EFNA5: variants seen among roughly 807,000 people sequenced by gnomAD.
EFNA5 encodes the protein ephrin-A5.
EFNA5 carries 5 observed loss-of-function variants against 22.9 expected under a neutral mutation model. The observed-to-expected ratio is 0.22, with a 90% confidence interval of 0.11 to 0.46. The LOEUF is 0.46. EFNA5 is among the 20% of genes least tolerant of loss of function. The pLI, the probability that EFNA5 is intolerant of heterozygous loss-of-function variation, is 0.99. For synonymous variants in EFNA5, 113 were observed against 112.2 expected, an observed-to-expected ratio of 1.01 and a Z score of -0.04; for missense variants, 237 against 293.3, an observed-to-expected ratio of 0.81 and a Z score of 1.40.
At chr5:107,544,213 G>C (rs1422926369) in intron 1 of EFNA5, among the ~76,000 whole-genome samples, 1 of 152,200 alleles carries the variant, frequency 6.6e-6, no homozygotes, top group African/African-American at 2.4e-5. Flanking sequence ...CCCTCCTAGA[G>C]AGCACTTGCT....
At chr5:107,539,648 G>A (rs574398268) in intron 1 of EFNA5, among the ~76,000 whole-genome samples, 2 of 152,034 alleles carry the variant, frequency 1.3e-5, no homozygotes, top group African/African-American at 4.8e-5. Context: ...TAGTAGAGAC[G>A]GGGTTTCACC....
chr5:107,401,605 G>A (rs1360558592), intron 2 of EFNA5, among the ~76,000 whole-genome samples: 1 of 152,196 alleles, frequency 6.6e-6, no homozygotes, highest in East Asian at 1.9e-4. Context: ...GTGGTTGCAG[G>A]AGGGGGAGGT....
At chr5:107,435,496 T>C (rs1049098122) in intron 1 of EFNA5, among the ~76,000 whole-genome samples, 10 of 152,250 alleles carry the variant, frequency 6.6e-5, no homozygotes, top group African/African-American at 2.2e-4. Context: ...TTCAGATGTA[T>C]TGGTAATCAA....
intron 1 of EFNA5, among the ~76,000 whole-genome samples, chr5:107,540,392 A>G (rs1748019832): frequency 6.6e-6 from 1 of 152,224 alleles, no homozygotes; most frequent in South Asian, 2.1e-4. Flanking sequence ...ATTCTTGCAC[A>G]TATTTAAAAA....
At chr5:107,511,278 G>A (rs181856614) in intron 1 of EFNA5, among the ~76,000 whole-genome samples, 4 of 152,108 alleles carry the variant, frequency 2.6e-5, no homozygotes, top group East Asian at 3.9e-4. Context: ...AGCCCGCCTC[G>A]GCATCCCAAA....
chr5:107,544,316 AAATCTC>A (rs1748106592), intron 1 of EFNA5, among the ~76,000 whole-genome samples: 1 of 152,146 alleles, frequency 6.6e-6, no homozygotes, highest in Non-Finnish European at 1.5e-5. Context: ...AGGGCTTTGA[AAATCTC>A]TCAACGCGTA....
intron 2 of EFNA5, among the ~76,000 whole-genome samples, chr5:107,415,324 ACTACTACTCCCTATTGC>A (rs1372214592): frequency 8.5e-5 from 13 of 152,294 alleles, no homozygotes; most frequent in African/African-American, 3.1e-4. Flanking sequence ...TTAAGAATAT[ACTACTACTCCCTATTGC>A]CTGTTACATA....
intron 1 of EFNA5, among the ~76,000 whole-genome samples, chr5:107,477,519 G>A (rs1750343924): frequency 6.6e-6 from 1 of 152,142 alleles, no homozygotes. Context: ...ACTGTAAAAG[G>A]ATCTCTGGCA....
chr5:107,603,378 T>C (rs1325396847), intron 1 of EFNA5, among the ~76,000 whole-genome samples: 4 of 152,168 alleles, frequency 2.6e-5, no homozygotes, highest in Non-Finnish European at 4.4e-5. Context: ...TTCATATAAA[T>C]TTAGAGGCTT....
At chr5:107,437,113 A>G (rs1435629143) in intron 1 of EFNA5, among the ~76,000 whole-genome samples, 1 of 152,220 alleles carries the variant, frequency 6.6e-6, no homozygotes, top group Non-Finnish European at 1.5e-5. Flanking sequence ...CCACACTTTT[A>G]AAAAATTGAG....
chr5:107,665,344 T>C (rs1053702075), intron 1 of EFNA5, among the ~76,000 whole-genome samples: 2 of 152,176 alleles, frequency 1.3e-5, no homozygotes, highest in Non-Finnish European at 1.5e-5. Context: ...TTCTGCAAGA[T>C]TAAATGGCAA....
intron 1 of EFNA5, among the ~76,000 whole-genome samples, chr5:107,622,674 C>T (rs2112529782): frequency 6.6e-6 from 1 of 152,224 alleles, no homozygotes; most frequent in South Asian, 2.1e-4. Context: ...TTTCATTTTA[C>T]TCCTTAGAAA....
At chr5:107,491,107 ATAAAATG>A (rs1480060114) in intron 1 of EFNA5, among the ~76,000 whole-genome samples, 2 of 152,222 alleles carry the variant, frequency 1.3e-5, no homozygotes, top group Non-Finnish European at 2.9e-5. Flanking sequence ...GAATTCCGTA[ATAAAATG>A]TTCAGAGACT....
intron 1 of EFNA5, among the ~76,000 whole-genome samples, chr5:107,609,152 A>C (rs1405424074): frequency 6.6e-6 from 1 of 152,222 alleles, no homozygotes; most frequent in African/African-American, 2.4e-5. Context: ...AATAGGAAGA[A>C]GACCAACTAA....
chr5:107,642,176 CAAG>C (rs1464554256), intron 1 of EFNA5, among the ~76,000 whole-genome samples: 1 of 152,022 alleles, frequency 6.6e-6, no homozygotes, highest in Non-Finnish European at 1.5e-5. Context: ...TTTAAAAGGC[CAAG>C]GAGGGGACTG....
intron 2 of EFNA5, among the ~76,000 whole-genome samples, chr5:107,417,135 G>A (rs1341648033): frequency 6.6e-6 from 1 of 152,060 alleles, no homozygotes; most frequent in African/African-American, 2.4e-5. Context: ...TTGTTTTTAT[G>A]GGTTTACATG....
At chr5:107,584,679 C>A (rs1004758724) in intron 1 of EFNA5, among the ~76,000 whole-genome samples, 2 of 152,186 alleles carry the variant, frequency 1.3e-5, no homozygotes, top group Admixed American at 6.5e-5. Flanking sequence ...CTGATAGTTA[C>A]TGCTGATGAG....
chr5:107,564,822 C>T (rs1363236300), intron 1 of EFNA5, among the ~76,000 whole-genome samples: 1 of 152,164 alleles, frequency 6.6e-6, no homozygotes, highest in South Asian at 2.1e-4. Context: ...ACTGTCTGAT[C>T]TAAGAAGTCT....
intron 1 of EFNA5, among the ~76,000 whole-genome samples, chr5:107,567,853 G>C (rs1249253534): frequency 6.6e-6 from 1 of 152,212 alleles, no homozygotes; most frequent in Non-Finnish European, 1.5e-5. Context: ...AATGAAGAAT[G>C]TGTTTCTAAT....
Sources: gnomAD v4.1 joint callset for allele counts (sites outside exome capture counted in the v4.1 genomes callset) on GRCh38, gnomAD v4.1.1 for gene constraint, MANE v1.5 for transcripts, NCBI Gene and HGNC (gene_info 2026-07-23, HGNC 2026-07-21) for gene names.